HEXA: variants seen among roughly 807,000 people sequenced by gnomAD.
The protein encoded by HEXA is hexosaminidase subunit alpha.
In HEXA, 54 loss-of-function variants were observed where a neutral mutation model predicts 73.3. The observed-to-expected ratio is 0.74, with a 90% CI of 0.59 to 0.92. The LOEUF (loss-of-function observed/expected upper bound fraction) is 0.92. HEXA is among the 40% of genes least tolerant of loss of function. HEXA has a pLI of 0.00. For missense variants in HEXA, 649 were observed against 653.0 expected, an observed-to-expected ratio of 0.99 and a Z score of 0.07; for synonymous variants, 230 against 246.9, an observed-to-expected ratio of 0.93 and a Z score of 0.64.
chr15:72,353,965 T>C (rs2088738082), intron 3 of HEXA: 3 of 607,168 alleles, frequency 4.9e-6, no homozygotes, highest in Non-Finnish European at 8.8e-6. Context: ...AGGGTTTTAG[T>C]GCCCTTCCTT....
intron 7 of HEXA, 61 bp from the exon 8 acceptor site, chr15:72,349,320 T>G (rs2088665006): frequency 1.3e-5 from 17 of 1,307,222 alleles, no homozygotes; most frequent in Non-Finnish European, 1.9e-5. Context: ...CGCACAGTCC[T>G]ACACGTAAGG....
intron 1 of HEXA, among the ~76,000 whole-genome samples, chr15:72,371,503 T>C (rs2088991187): frequency 6.6e-6 from 1 of 151,224 alleles, no homozygotes; most frequent in Admixed American, 6.6e-5. Flanking sequence ...GGAGGACAGC[T>C]TGAGCCTCGG....
Position 72,353,731 on chromosome 15 carries a change from T to A in HEXA, c.419A>T (p.Glu140Val). 1 of 1,611,740 alleles carries A rather than the reference T, an allele frequency of 6.2e-7. No individual in the cohort carries two copies. Among genetic ancestry groups the A allele is most frequent in the Non-Finnish European group, 8.5e-7 (1 of 1,177,886 alleles). Residue 140 changes from glutamate to valine, a missense_variant, in exon 4 of 14, where the codon GAG (glutamate) becomes GTG (valine). Coordinates refer to ENST00000268097, the MANE Select transcript of HEXA (RefSeq NM_000520.6). ...ETVWGALRGL[E>V]TFSQLVWKSA... ...TTTCCAAACAAGCTGGCTAAAAGTC[T>A]CCAGACCTAGGAAGATGTAGAGAGG...
intron 7 of HEXA, 47 bp from the exon 8 acceptor site, chr15:72,349,306 C>G: frequency 6.9e-7 from 1 of 1,440,742 alleles, no homozygotes; most frequent in Non-Finnish European, 9.8e-7. Flanking sequence ...TACATAAACC[C>G]CCACGCACAG....
chr15:72,356,781 G>C (rs959577990), intron 1 of HEXA, 164 bp from the exon 2 acceptor site: 1 of 1,032,470 alleles, frequency 9.7e-7, no homozygotes, highest in African/African-American at 1.6e-5. Flanking sequence ...CTGTTCAGCT[G>C]TCTCACTCTC....
chr15:72,353,234 A>C, intron 4 of HEXA, 56 bp from the exon 5 acceptor site: 3 of 1,014,278 alleles, frequency 3.0e-6, no homozygotes, highest in Non-Finnish European at 3.1e-6. Flanking sequence ...CTATGGGGGC[A>C]CAGGGAGATG....
intron 1 of HEXA, among the ~76,000 whole-genome samples, chr15:72,365,516 A>C (rs2088905232): frequency 6.6e-6 from 1 of 152,096 alleles, no homozygotes; most frequent in Admixed American, 6.5e-5. Context: ...TATGTAGTCA[A>C]AGCTATGACT....
chr15:72,358,460 C>G (rs1022969038), intron 1 of HEXA: 1 of 152,204 alleles, frequency 6.6e-6, no homozygotes, highest in African/African-American at 2.4e-5. Context: ...AATACCTAAT[C>G]TTTCGATTTT....
At chr15:72,375,336 CCAAA>C (rs1175234454) in intron 1 of HEXA, among the ~76,000 whole-genome samples, 4 of 152,142 alleles carry the variant, frequency 2.6e-5, no homozygotes, top group Admixed American at 6.5e-5. Context: ...GATCCGCCCG[CCAAA>C]CATTCTATGT....
rs768292244 is a variant in HEXA at position 72,376,004 on chromosome 15, G to A, written c.-32C>T. 14 of 1,608,510 alleles carry A rather than the reference G, an allele frequency of 8.7e-6. No individual in the cohort carries two copies. In the South Asian group the frequency reaches 1.4e-4, roughly 16 times the overall value. On this transcript the variant is annotated 5_prime_UTR_variant, in exon 1 of 14. Coordinates refer to ENST00000268097, the MANE Select transcript of HEXA (RefSeq NM_000520.6). Reference sequence around the variant, plus strand: ...CTGGTCTCCCCTCTCGGAGGGGGCTGGCCACGTGAGACCCTGGTCAGGTGA... The same window carrying A: ...CTGGTCTCCCCTCTCGGAGGGGGCTAGCCACGTGAGACCCTGGTCAGGTGA...
intron 1 of HEXA, among the ~76,000 whole-genome samples, chr15:72,362,141 A>C (rs768592325): frequency 6.6e-6 from 1 of 152,206 alleles, no homozygotes; most frequent in Non-Finnish European, 1.5e-5. Flanking sequence ...TGAAAATGCC[A>C]TATTTTCTCC....
chr15:72,354,871 T>C (rs1219303562), intron 3 of HEXA: 4 of 153,492 alleles, frequency 2.6e-5, no homozygotes, highest in East Asian at 3.8e-4. Flanking sequence ...CAAGGGCCAA[T>C]AGTTTAGCCA....
At chr15:72,366,599 C>T (rs1174341451) in intron 1 of HEXA, among the ~76,000 whole-genome samples, 3 of 152,132 alleles carry the variant, frequency 2.0e-5, no homozygotes, top group Middle Eastern at 3.2e-3. Context: ...GTGTGAGCCA[C>T]CATGCCCAAC....
intron 1 of HEXA, among the ~76,000 whole-genome samples, chr15:72,367,097 C>T (rs1216967912): frequency 1.1e-4 from 16 of 152,138 alleles, no homozygotes; most frequent in Admixed American, 9.8e-4. Flanking sequence ...GAATGCACCA[C>T]TATGCCCAGC....
rs763428989 is a variant in HEXA at position 72,375,736 on chromosome 15, G to A, written c.237C>T (p.Pro79=). The A allele has an allele frequency of 5.6e-6, 9 of 1,614,050 alleles. No individual in the cohort carries two copies. Among genetic ancestry groups the A allele is most frequent in the Admixed American group, 3.3e-5 (2 of 60,008 alleles). The change falls in exon 1 of 14, where the codon CCC becomes CCT. Residue 79 remains proline, a synonymous_variant. Coordinates refer to ENST00000268097, the MANE Select transcript of HEXA (RefSeq NM_000520.6). ...RDLLFGSGSW[P]RPYLTGKRHT... Reference sequence around the variant, plus strand: ...CCGACTCACCTGTGAGGTAAGGACGGGGCCAAGACCCGGAACCGAAAAGCA... The same window carrying A: ...CCGACTCACCTGTGAGGTAAGGACGAGGCCAAGACCCGGAACCGAAAAGCA...
At chr15:72,361,681 A>G (rs1343559714) in intron 1 of HEXA, among the ~76,000 whole-genome samples, 5 of 152,276 alleles carry the variant, frequency 3.3e-5, no homozygotes, top group Admixed American at 6.5e-5. Flanking sequence ...AACTGAGTAG[A>G]TCACAAGTTC....
rs121907956 is a variant in HEXA at position 72,345,476 on chromosome 15, C to T, written c.1496G>A (p.Arg499His). 6.8e-5 allele frequency: 110 copies of T among 1,614,084 alleles called. No individual in the cohort carries two copies. Among genetic ancestry groups the T allele is most frequent in the South Asian group, 3.7e-4 (34 of 91,090 alleles). ...LTSDLTFAYE[R>H]LSHFRCELLR... is the part of the protein sequence containing the mutation. ...CAATTCACAGCGGAAGTGTGACAAA[C>T]GTTCATAGGCAAATGTCAGGTCAGA... The change falls in exon 13 of 14, where the codon CGT (arginine) becomes CAT (histidine). Residue 499 changes from arginine to histidine, a missense_variant. Physicochemically the swap from Arg to His is conservative, Grantham distance 29 (BLOSUM62 0). Coordinates refer to ENST00000268097, the MANE Select transcript of HEXA (RefSeq NM_000520.6).
rs1353572968 is a variant in HEXA, at chr15:72,356,589, C to T, written c.282G>A (p.Val94=). The T allele has an allele frequency of 6.2e-7, 1 of 1,614,042 alleles. No individual in the cohort carries two copies. Among genetic ancestry groups the T allele is most frequent in the African/African-American group, 1.3e-5 (1 of 74,934 alleles). ...TGKRHTLEKN[V]LVVSVVTPGC... is the part of the protein sequence containing the mutation. ...CAGGTGTGACTACAGAGACAACCAACACATTCTTCTCCAGTGTATGCCGTT... is the reference window on the plus strand; with the variant it reads ...CAGGTGTGACTACAGAGACAACCAATACATTCTTCTCCAGTGTATGCCGTT... Residue 94 remains valine (V), a synonymous_variant, in exon 2 of 14, where the codon GTG becomes GTA. Transcript: ENST00000268097.
intron 1 of HEXA, among the ~76,000 whole-genome samples, chr15:72,367,692 A>C (rs541084913): frequency 1.3e-5 from 2 of 152,230 alleles, no homozygotes; most frequent in African/African-American, 4.8e-5. Context: ...TCACCTCTTT[A>C]GCTTCAGAAC....
Sources: allele counts gnomAD v4.1 joint callset (sites outside exome capture counted in the v4.1 genomes callset), GRCh38; gene constraint gnomAD v4.1.1; transcripts MANE v1.5; gene names NCBI Gene and HGNC (gene_info 2026-07-23, HGNC 2026-07-21).